Variants in TBC1D9B observed in about 807,000 individuals in gnomAD.
TBC1D9B encodes the protein TBC1 domain family, member 9B (with GRAM domain).
Under a neutral mutation model 121.1 loss-of-function variants are expected in TBC1D9B, and 87 were observed. The ratio of observed to expected loss-of-function variants is 0.72; its 90% confidence interval spans 0.60 to 0.86. The LOEUF (loss-of-function observed/expected upper bound fraction) is 0.86. Among genes scored for constraint, TBC1D9B ranks in the 40% least tolerant of loss-of-function variants. The pLI is 0.00. For synonymous variants in TBC1D9B, 668 were observed against 670.1 expected, an observed-to-expected ratio of 1.00 and a Z score of 0.05; for missense variants, 1,540 against 1,628.6, an observed-to-expected ratio of 0.95 and a Z score of 0.94.
chr5:179,880,999 T>C (rs1439530253), intron 7 of TBC1D9B, among the ~76,000 whole-genome samples: 3 of 151,946 alleles, frequency 2.0e-5, no homozygotes, highest in Non-Finnish European at 4.4e-5. Flanking sequence ...CACATCTCAG[T>C]GCCAGGGAAG....
At chr5:179,888,385 A>T in intron 6 of TBC1D9B, 73 bp from the exon 7 acceptor site, 1 of 1,449,120 alleles carries the variant, frequency 6.9e-7, no homozygotes, top group Non-Finnish European at 9.5e-7. Flanking sequence ...TGTGAATGGC[A>T]GACTGTCATG....
intron 7 of TBC1D9B, chr5:179,884,513 A>G (rs569455186): frequency 6.6e-6 from 1 of 152,266 alleles, no homozygotes; most frequent in East Asian, 1.9e-4. Context: ...CAGCAATTCC[A>G]CTCCAGGGTA....
chr5:179,878,234 C>T, intron 10 of TBC1D9B, 75 bp downstream of exon 10: 1 of 1,490,840 alleles, frequency 6.7e-7, no homozygotes, highest in Non-Finnish European at 9.1e-7. Flanking sequence ...CCACACAGGC[C>T]TGGGACCACA....
intron 3 of TBC1D9B, among the ~76,000 whole-genome samples, chr5:179,897,962 C>G (rs1009997614): frequency 1.3e-4 from 20 of 152,166 alleles, no homozygotes; most frequent in African/African-American, 4.8e-4. Flanking sequence ...ACGACTTTGA[C>G]CTGGTAAGAG....
intron 7 of TBC1D9B, chr5:179,887,709 T>G: frequency 4.0e-6 from 1 of 247,196 alleles, no homozygotes; most frequent in Non-Finnish European, 7.8e-6. Context: ...GCTGGTACAA[T>G]AGTGATACTG....
chr5:179,865,750 T>A lies in TBC1D9B; in HGVS notation c.2914+88A>T. The A allele has an allele frequency of 7.0e-7, 1 of 1,431,748 alleles. No homozygotes were observed. Among genetic ancestry groups the A allele is most frequent in the Non-Finnish European group, 9.5e-7 (1 of 1,052,664 alleles). 88.7% of individuals were successfully genotyped at this position (1,431,748 alleles called of 1,614,324 possible). On this transcript the variant is annotated intron_variant, in intron 19 of 20. Transcript: ENST00000355235. The surrounding 1 kb of genome is among the most constrained non-coding windows in gnomAD (Gnocchi z 5.1). ...TCCGCCATCTCCCGGGGTAGGGGGCTCCCTGGCAGTGACTGGGGAAAAGAC... is the reference window on the plus strand; with the variant it reads ...TCCGCCATCTCCCGGGGTAGGGGGCACCCTGGCAGTGACTGGGGAAAAGAC...
chr5:179,901,666 T>A (rs1488630595), intron 2 of TBC1D9B, among the ~76,000 whole-genome samples: 1 of 152,118 alleles, frequency 6.6e-6, no homozygotes, highest in Non-Finnish European at 1.5e-5. Flanking sequence ...TCCCAGCTAG[T>A]CAGGAGGCTG....
chr5:179,901,087 AG>A (rs1213291717), intron 2 of TBC1D9B, among the ~76,000 whole-genome samples: 2 of 152,168 alleles, frequency 1.3e-5, no homozygotes, highest in African/African-American at 4.8e-5. Flanking sequence ...CTAAGAAGCA[AG>A]GCCACAGGAT....
Position 179,862,312 on chromosome 5 carries a change from C to CT in TBC1D9B, c.*1135dup, listed in dbSNP as rs1759865956. 1 of 304,328 alleles carries CT rather than the reference C, an allele frequency of 3.3e-6. No individual in the cohort carries two copies. Among genetic ancestry groups the CT allele is most frequent in the Non-Finnish European group, 6.9e-6 (1 of 145,918 alleles). The allele number at this position is 304,328 out of a possible 1,614,324, so 18.9% of individuals were successfully genotyped here. On this transcript the variant is annotated 3_prime_UTR_variant, in exon 21 of 21. Coordinates refer to ENST00000355235, the MANE Select transcript of TBC1D9B (RefSeq NM_015043.4). The stretch of plus-strand genomic sequence containing the variant: ...AAGCAAGAGCAGCCCCATGTGGGGG[C>CT]TAACACTGGACACTGGTCAGTTTCA...
intron 14 of TBC1D9B, 90 bp downstream of exon 14, chr5:179,872,802 G>A (rs1760240474): frequency 8.1e-7 from 1 of 1,240,760 alleles, no homozygotes; most frequent in South Asian, 1.2e-5. Context: ...GAGACTGGGT[G>A]CGGTGGAGCC....
At chr5:179,900,212 C>A (rs1761129431) in intron 2 of TBC1D9B, among the ~76,000 whole-genome samples, 1 of 152,080 alleles carries the variant, frequency 6.6e-6, no homozygotes, top group South Asian at 2.1e-4. Flanking sequence ...CAAAACAACA[C>A]ACAAAACAAA....
Position 179,907,827 on chromosome 5 carries a change from A to G in TBC1D9B, c.-6T>C. On this transcript the variant is annotated 5_prime_UTR_variant, in exon 1 of 21. Transcript: ENST00000355235. This position sits in a 1 kb window ranked among gnomAD's most constrained non-coding sequence, Gnocchi z 5.3. The stretch of plus-strand genomic sequence containing the variant: ...TCCTCCGGGCTCAGCCACATCGCGG[A>G]GCCGCTCGCACCGGGCCGAGGCCCG... 8.7e-7 allele frequency: 1 copy of G among 1,153,814 alleles called. No individual in the cohort carries two copies. Among genetic ancestry groups the G allele is most frequent in the Non-Finnish European group, 1.1e-6 (1 of 916,820 alleles). The allele number at this position is 1,153,814 out of a possible 1,614,324, so 71.5% of individuals were successfully genotyped here.
At position 179,907,002 on chromosome 5, in the gene TBC1D9B, T is replaced by G. The variant is rs1206091465; in HGVS notation, c.118+702A>C. Among the ~76,000 whole-genome samples the G allele has an allele frequency of 6.6e-6, 1 of 152,092 alleles. No individual in the cohort carries two copies. The highest frequency in any genetic ancestry group is 2.4e-5 in the African/African-American group (1 of 41,428). On this transcript the variant is annotated intron_variant, in intron 1 of 20. Coordinates refer to ENST00000355235, the MANE Select transcript of TBC1D9B (RefSeq NM_015043.4). This position sits in a 1 kb window ranked among gnomAD's most constrained non-coding sequence, Gnocchi z 5.3. ...GAGTGGCCTGTGGGCCTCCCCTGGATCCCACAGGCCGCACGACTCCAAGGG... is the reference window on the plus strand; with the variant it reads ...GAGTGGCCTGTGGGCCTCCCCTGGAGCCCACAGGCCGCACGACTCCAAGGG...
rs1039774838 is a variant in TBC1D9B at position 179,885,239 on chromosome 5, T to C, written c.1254+2864A>G. ...ATTATTGAGATTAATTTTAACAATA[T>C]ATTTGACTTAATCCAATATATCCAA... On this transcript the variant is annotated intron_variant, in intron 7 of 20. Coordinates refer to ENST00000355235, the MANE Select transcript of TBC1D9B (RefSeq NM_015043.4). The surrounding 1 kb of genome is among the most constrained non-coding windows in gnomAD (Gnocchi z 4.5). 2.0e-5 allele frequency among the ~76,000 whole-genome samples: 3 copies of C among 152,194 alleles called. No individual in the cohort carries two copies. The highest frequency in any genetic ancestry group is 7.2e-5 in the African/African-American group (3 of 41,458).
At chr5:179,898,392 A>G (rs1203902008) in intron 3 of TBC1D9B, among the ~76,000 whole-genome samples, 1 of 151,748 alleles carries the variant, frequency 6.6e-6, no homozygotes. Flanking sequence ...TAACCTCGTG[A>G]TCTGCCTGTC....
chr5:179,875,052 A>G lies in TBC1D9B; in HGVS notation c.2036T>C (p.Met679Thr), dbSNP rs138854983. ...GATGACCACGGCGCTCTCGAAGGGC[A>G]TGACGCTGAGGAAGAGGGTCAGGAA... is the stretch of plus-strand genomic sequence containing the variant. ...SWFLTLFLSV[M>T]PFESAVVIVD... Residue 679 changes from methionine (M) to threonine (T), a missense_variant, in exon 12 of 21, where the codon ATG becomes ACG. Transcript: ENST00000355235. This position sits in a 1 kb window ranked among gnomAD's most constrained non-coding sequence, Gnocchi z 4.5. The G allele has an allele frequency of 9.0e-5, 145 of 1,614,002 alleles. No individual in the cohort carries two copies. Among genetic ancestry groups the G allele is most frequent in the East Asian group, 4.2e-4 (19 of 44,886 alleles).
intron 7 of TBC1D9B, chr5:179,884,448 T>A (rs115809820): frequency 6.6e-6 from 1 of 152,134 alleles, no homozygotes; most frequent in Admixed American, 6.5e-5. Context: ...AGTTGGTGGA[T>A]AGAGCATAGC....
In TBC1D9B at chr5:179,907,654, G is replaced by A. The variant is rs1416397714; in HGVS notation, c.118+50C>T. On this transcript the variant is annotated intron_variant, in intron 1 of 20. Transcript: ENST00000355235. The surrounding 1 kb of genome is among the most constrained non-coding windows in gnomAD (Gnocchi z 5.3). ...CCCGCCGCCCGCCGCCAGCCCCGCCGCCAGCCCAGCCGCGGCGCCCACAGG... is the reference window on the plus strand; with the variant it reads ...CCCGCCGCCCGCCGCCAGCCCCGCCACCAGCCCAGCCGCGGCGCCCACAGG... 3.2e-6 allele frequency: 3 copies of A among 934,144 alleles called. No homozygotes were observed. Among genetic ancestry groups the A allele is most frequent in the Non-Finnish European group, 3.8e-6 (3 of 785,818 alleles). The allele number at this position is 934,144 out of a possible 1,614,324, so 57.9% of individuals were successfully genotyped here.
At chr5:179,880,012 C>T (rs1760490949) in intron 7 of TBC1D9B, 1 of 597,000 alleles carries the variant, frequency 1.7e-6, no homozygotes, top group Non-Finnish European at 2.9e-6. Context: ...GTAATTAACC[C>T]CACTCTCACC....
Sources: allele counts gnomAD v4.1 joint callset (sites outside exome capture counted in the v4.1 genomes callset), GRCh38; gene constraint gnomAD v4.1.1; non-coding constraint Gnocchi (gnomAD v3.1); transcripts MANE v1.5; gene names NCBI Gene and HGNC (gene_info 2026-07-23, HGNC 2026-07-21).